PNMA2: variants seen among roughly 807,000 people sequenced by gnomAD.
The protein encoded by PNMA2 is paraneoplastic antigen Ma2.
For missense variants in PNMA2, 455 were observed against 452.9 expected, an observed-to-expected ratio of 1.00 and a Z score of -0.04; for synonymous variants, 175 against 183.5, an observed-to-expected ratio of 0.95 and a Z score of 0.38.
chr8:26,511,907 G>A (rs1234426909), intron 1 of PNMA2: 1 of 152,258 alleles, frequency 6.6e-6, no homozygotes, highest in Non-Finnish European at 1.5e-5. Flanking sequence ...TGACTGCTAT[G>A]CTGAAGTTAG....
rs1165023874 is a variant in PNMA2, at chr8:26,507,712, C to T, written c.1044G>A (p.Glu348=). The change falls in exon 3 of 3, where the codon GAG becomes GAA. Residue 348 remains glutamate (E), a synonymous_variant. Transcript: ENST00000522362. ...EASFENESIE[E]PEERDGYGRW... Reference sequence around the variant, plus strand: ...GGCCATAGCCATCTCGTTCCTCTGGCTCTTCGATACTCTCATTCTCAAAGG... The same window carrying T: ...GGCCATAGCCATCTCGTTCCTCTGGTTCTTCGATACTCTCATTCTCAAAGG... 1 of 1,591,720 alleles carries T rather than the reference C, an allele frequency of 6.3e-7. No homozygotes were observed. Among genetic ancestry groups the T allele is most frequent in the African/African-American group, 1.3e-5 (1 of 74,304 alleles).
rs1272026040 is a variant in PNMA2, at chr8:26,509,895, C to T, written c.-618-218G>A. Among the ~76,000 whole-genome samples, 2 of 152,178 alleles carry T rather than the reference C, an allele frequency of 1.3e-5. No homozygotes were observed. Among genetic ancestry groups the T allele is most frequent in the Non-Finnish European group, 2.9e-5 (2 of 68,026 alleles). The stretch of plus-strand genomic sequence containing the variant: ...CAATTCAGGGAAAAAAATCTCAGGG[C>T]CGACTAAGTTAAATCGGGAATTATG... On this transcript the variant is annotated intron_variant, in intron 1 of 2. Transcript: ENST00000522362. This position sits in a 1 kb window ranked among gnomAD's most constrained non-coding sequence, Gnocchi z 5.7.
At position 26,507,876 on chromosome 8, in the gene PNMA2, G is replaced by C; in HGVS notation, c.880C>G (p.Arg294Gly). The change falls in exon 3 of 3, where the codon CGC (arginine) becomes GGC (glycine). Residue 294 changes from arginine (R) to glycine (G), a missense_variant. Coordinates refer to ENST00000522362, the MANE Select transcript of PNMA2 (RefSeq NM_007257.6). ...AIPRRIADQV[R>G]LEQVMAGATL... ...GCCCCAGCCATGACCTGCTCCAGGCGGACCTGGTCCGCAATACGCCGAGGG... is the reference window on the plus strand; with the variant it reads ...GCCCCAGCCATGACCTGCTCCAGGCCGACCTGGTCCGCAATACGCCGAGGG... 1 of 1,614,202 alleles carries C rather than the reference G, an allele frequency of 6.2e-7. No individual in the cohort carries two copies. The highest frequency in any genetic ancestry group is 1.1e-5 in the South Asian group (1 of 91,086).
chr8:26,510,652 G>A (rs973248243), intron 1 of PNMA2, among the ~76,000 whole-genome samples: 1 of 151,944 alleles, frequency 6.6e-6, no homozygotes. Flanking sequence ...GTCTCCTTAC[G>A]TTGTTCAGCC....
chr8:26,508,850 C>T lies in PNMA2; in HGVS notation c.-95G>A. The T allele has an allele frequency of 2.0e-6, 3 of 1,522,108 alleles. No homozygotes were observed. The highest frequency in any genetic ancestry group is 2.7e-5 in the South Asian group (2 of 73,682). The allele number at this position is 1,522,108 out of a possible 1,614,324, so 94.3% of individuals were successfully genotyped here. A position where few individuals can be genotyped will look rare whatever the true frequency, so the allele number is the denominator to read the frequency against. On this transcript the variant is annotated 5_prime_UTR_variant, in exon 3 of 3. Transcript: ENST00000522362. The surrounding 1 kb of genome is among the most constrained non-coding windows in gnomAD (Gnocchi z 5.5). ...TAATATTGAAAATATCCTGGATGAG[C>T]TTCTAACCTTAGAACCCACCAATGA...
rs926531882 is a variant in PNMA2, at chr8:26,510,638, C to T, written c.-618-961G>A. 5.9e-5 allele frequency among the ~76,000 whole-genome samples: 9 copies of T among 151,474 alleles called. 1 individual carries two copies. The highest frequency in any genetic ancestry group is 2.6e-4 in the Admixed American group (4 of 15,208). Reference sequence around the variant, plus strand: ...TAGTTTTTTAAATTTTGTGTAGAGACGCAGTCTCCTTACGTTGTTCAGCCT... The same window carrying T: ...TAGTTTTTTAAATTTTGTGTAGAGATGCAGTCTCCTTACGTTGTTCAGCCT... On this transcript the variant is annotated intron_variant, in intron 1 of 2. Transcript: ENST00000522362.
chr8:26,510,333 C>G lies in PNMA2; in HGVS notation c.-618-656G>C, dbSNP rs182114849. Among the ~76,000 whole-genome samples the G allele has an allele frequency of 8.5e-5, 13 of 152,298 alleles. No homozygotes were observed. In the East Asian group the frequency reaches 2.5e-3, roughly 29 times the overall value. On this transcript the variant is annotated intron_variant, in intron 1 of 2. Transcript: ENST00000522362. ...TCTTGTACAGCCTGCAGAACTGTGA[C>G]CCAAATAAACCTCTTTTCTTTATAA...
chr8:26,512,148 C>G (rs983400451), intron 1 of PNMA2, among the ~76,000 whole-genome samples: 2 of 152,234 alleles, frequency 1.3e-5, no homozygotes, highest in African/African-American at 4.8e-5. Flanking sequence ...GATCATTTAA[C>G]TAAATACCCA....
At chr8:26,510,689 A>G (rs1311207916) in intron 1 of PNMA2, among the ~76,000 whole-genome samples, 1 of 152,162 alleles carries the variant, frequency 6.6e-6, no homozygotes, top group Admixed American at 6.5e-5. Flanking sequence ...GGCTCAAGCA[A>G]TCCTCCCGCC....
At position 26,508,325 on chromosome 8, in the gene PNMA2, T is replaced by C; in HGVS notation, c.431A>G (p.His144Arg). 1 of 1,611,754 alleles carries C rather than the reference T, an allele frequency of 6.2e-7. No homozygotes were observed. Among genetic ancestry groups the C allele is most frequent in the East Asian group, 2.2e-5 (1 of 44,862 alleles). Residue 144 changes from histidine to arginine, a missense_variant, in exon 3 of 3, where the codon CAT becomes CGT. By Grantham distance (29) the His-to-Arg change is conservative (BLOSUM62 0). Transcript: ENST00000522362. The surrounding 1 kb of genome is among the most constrained non-coding windows in gnomAD (Gnocchi z 5.5). Reference protein sequence around the residue: ...VPCISPELLAHLLGQAMAHAP... With the variant: ...VPCISPELLARLLGQAMAHAP... ...ATGTGCCATTGCCTGTCCCAACAAATGGGCCAGTAATTCTGGTGAGATGCA... is the reference window on the plus strand; with the variant it reads ...ATGTGCCATTGCCTGTCCCAACAAACGGGCCAGTAATTCTGGTGAGATGCA...
At position 26,509,870 on chromosome 8, in the gene PNMA2, C is replaced by A. The variant is rs17403126; in HGVS notation, c.-618-193G>T. Among the ~76,000 whole-genome samples the A allele has an allele frequency of 0.12, 18,964 of 152,178 alleles. 1,368 individuals are homozygous for A. Among genetic ancestry groups the A allele is most frequent in the South Asian group, 0.32 (1,535 of 4,822 alleles). ...TAAAAATAGTTTAATCTAGGTATAA[C>A]AATTCAGGGAAAAAAATCTCAGGGC... On this transcript the variant is annotated intron_variant, in intron 1 of 2. Transcript: ENST00000522362. This position sits in a 1 kb window ranked among gnomAD's most constrained non-coding sequence, Gnocchi z 5.7.
In PNMA2 at chr8:26,508,323, A is replaced by T; in HGVS notation, c.433T>A (p.Leu145Met). The T allele has an allele frequency of 1.2e-6, 2 of 1,611,600 alleles. No individual in the cohort carries two copies. The highest frequency in any genetic ancestry group is 1.7e-4 in the Middle Eastern group (1 of 6,042). ...GCATGTGCCATTGCCTGTCCCAACA[A>T]ATGGGCCAGTAATTCTGGTGAGATG... is the stretch of plus-strand genomic sequence containing the variant. ...PCISPELLAH[L>M]LGQAMAHAPQ... Residue 145 changes from leucine to methionine, a missense_variant, in exon 3 of 3, where the codon TTG becomes ATG. Leu to Met is a conservative substitution (Grantham distance 15). Transcript: ENST00000522362. The surrounding 1 kb of genome is among the most constrained non-coding windows in gnomAD (Gnocchi z 5.5).
rs1210940171 is a variant in PNMA2, at chr8:26,509,556, G to C, written c.-497C>G. ...GAGATGTGGCTAAATACCTGTTGAT[G>C]TGTTCCCGAGTGTTCCGCGAGAGGT... On this transcript the variant is annotated 5_prime_UTR_variant, in exon 2 of 3. Transcript: ENST00000522362. The surrounding 1 kb of genome is among the most constrained non-coding windows in gnomAD (Gnocchi z 5.7). The C allele has an allele frequency of 6.6e-6, 1 of 152,194 alleles. No individual in the cohort carries two copies. Among genetic ancestry groups the C allele is most frequent in the Non-Finnish European group, 1.5e-5 (1 of 68,044 alleles). 9.4% of individuals were successfully genotyped at this position (152,194 alleles called of 1,614,324 possible). A position where few individuals can be genotyped will look rare whatever the true frequency, so the allele number is the denominator to read the frequency against.
rs1808040013 is a variant in PNMA2 at position 26,505,963 on chromosome 8, C to T, written c.*1698G>A. On this transcript the variant is annotated 3_prime_UTR_variant, in exon 3 of 3. Transcript: ENST00000522362. ...TGAGATTGCACCACTGCACTCCAGC[C>T]TGGGTGATAGAGCAAGACTCAGTCT... The T allele has an allele frequency of 6.6e-6, 1 of 152,134 alleles. No individual in the cohort carries two copies. The highest frequency in any genetic ancestry group is 6.5e-5 in the Admixed American group (1 of 15,276). The allele number at this position is 152,134 out of a possible 1,614,324, so 9.4% of individuals were successfully genotyped here. A position where few individuals can be genotyped will look rare whatever the true frequency, so the allele number is the denominator to read the frequency against.
In PNMA2 at chr8:26,508,650, G is replaced by C. The variant is rs1206441036; in HGVS notation, c.106C>G (p.Gln36Glu). ...TTTAAAGTCTCCTGAAGGACCTCCT[G>C]AATCTCAGCCTCCTCAAAGTCCGCC... Reference protein sequence around the residue: ...IPADFEEAEIQEVLQETLKSL... With the variant: ...IPADFEEAEIEEVLQETLKSL... Residue 36 changes from glutamine (Q) to glutamate (E), a missense_variant, in exon 3 of 3, where the codon CAG becomes GAG. By Grantham distance (29) the Gln-to-Glu change is conservative. Coordinates refer to ENST00000522362, the MANE Select transcript of PNMA2 (RefSeq NM_007257.6). This position sits in a 1 kb window ranked among gnomAD's most constrained non-coding sequence, Gnocchi z 5.5. The C allele has an allele frequency of 6.2e-7, 1 of 1,614,142 alleles. No homozygotes were observed. Among genetic ancestry groups the C allele is most frequent in the Non-Finnish European group, 8.5e-7 (1 of 1,180,030 alleles).
intron 1 of PNMA2, among the ~76,000 whole-genome samples, chr8:26,512,334 G>GC (rs1188719492): frequency 6.6e-6 from 1 of 152,174 alleles, no homozygotes; most frequent in African/African-American, 2.4e-5. Context: ...AGTCCAAAAT[G>GC]CCCCCTCCGG....
intron 1 of PNMA2, among the ~76,000 whole-genome samples, chr8:26,510,454 T>C (rs1260515549): frequency 6.6e-6 from 1 of 152,250 alleles, no homozygotes; most frequent in Non-Finnish European, 1.5e-5. Flanking sequence ...TTTCTGTTTC[T>C]GTTTTTTGAG....
chr8:26,508,326 G>C lies in PNMA2; in HGVS notation c.430C>G (p.His144Asp). 6.2e-7 allele frequency: 1 copy of C among 1,611,850 alleles called. No individual in the cohort carries two copies. Among genetic ancestry groups the C allele is most frequent in the Non-Finnish European group, 8.5e-7 (1 of 1,178,662 alleles). The change falls in exon 3 of 3, where the codon CAT becomes GAT. Residue 144 changes from histidine to aspartate, a missense_variant. By Grantham distance (81) the His-to-Asp change is moderately conservative. Coordinates refer to ENST00000522362, the MANE Select transcript of PNMA2 (RefSeq NM_007257.6). This position sits in a 1 kb window ranked among gnomAD's most constrained non-coding sequence, Gnocchi z 5.5. ...TGTGCCATTGCCTGTCCCAACAAAT[G>C]GGCCAGTAATTCTGGTGAGATGCAG... ...VPCISPELLA[H>D]LLGQAMAHAP... is the part of the protein sequence containing the mutation.
At chr8:26,511,051 C>T (rs1808144208) in intron 1 of PNMA2, among the ~76,000 whole-genome samples, 1 of 150,694 alleles carries the variant, frequency 6.6e-6, no homozygotes. Flanking sequence ...ACTTGGGAGG[C>T]TGAGGCAGGA....
Sources: allele counts gnomAD v4.1 joint callset (sites outside exome capture counted in the v4.1 genomes callset), GRCh38; gene constraint gnomAD v4.1.1; non-coding constraint Gnocchi (gnomAD v3.1); transcripts MANE v1.5; gene names NCBI Gene and HGNC (gene_info 2026-07-23, HGNC 2026-07-21).